The following PLCB2 variants were observed in gnomAD, a reference collection of about 807,000 sequenced individuals.
The protein encoded by PLCB2 is phospholipase C beta 2.
A neutral mutation model predicts 141.7 loss-of-function variants in PLCB2; 115 were observed. That is an observed-to-expected ratio of 0.81 (90% CI 0.70 to 0.95). The LOEUF (loss-of-function observed/expected upper bound fraction) is 0.95. Ranked by LOEUF, PLCB2 falls within the 40% of genes least tolerant of loss-of-function variation. PLCB2 has a pLI of 0.00. For missense variants in PLCB2, 1,403 were observed against 1,541.1 expected (o/e 0.91, Z 1.50); for synonymous variants, 603 against 595.6 (o/e 1.01, Z -0.18).
chr15:40,284,344 G>A, downstream of PLCB2: 1 of 334,936 alleles, frequency 3.0e-6, no homozygotes. Context: ...TCTCGGTTCT[G>A]GGTGCGAGAC....
chr15:40,291,677 A>T, intron 24 of PLCB2, 27 bp from the exon 25 acceptor site: 1 of 1,611,268 alleles, frequency 6.2e-7, no homozygotes, highest in Non-Finnish European at 8.5e-7. Context: ...CTGGGCTGTC[A>T]GGTGCTCTGG....
chr15:40,306,939 A>ACAGCAGAGAGAGGGCTGCAGGGTG (rs2040826163), intron 1 of PLCB2, among the ~76,000 whole-genome samples: 2 of 152,248 alleles, frequency 1.3e-5, no homozygotes, highest in African/African-American at 4.8e-5. Flanking sequence ...AGGAACAGAC[A>ACAGCAGAGAGAGGGCTGCAGGGTG]CAGCAGAGAG....
In PLCB2 at chr15:40,297,706, C is replaced by A; in HGVS notation, c.1239-101G>T. ...TGACCCAGATCAGGGGCCAGGAGGT[C>A]AGGGAGGCTGGGACTCGAGCAGGAG... On this transcript the variant is annotated intron_variant, in intron 12 of 31. Coordinates refer to ENST00000260402, the MANE Select transcript of PLCB2 (RefSeq NM_004573.3). The surrounding 1 kb of genome is among the most constrained non-coding windows in gnomAD (Gnocchi z 4.2). The A allele has an allele frequency of 1.9e-6, 2 of 1,072,386 alleles. No homozygotes were observed. The highest frequency in any genetic ancestry group is 1.9e-5 in the Admixed American group (1 of 51,546). 66.4% of individuals were successfully genotyped at this position (1,072,386 alleles called of 1,614,324 possible).
chr15:40,296,695 T>C (rs1380589904), intron 14 of PLCB2, 51 bp downstream of exon 14: 33 of 1,610,176 alleles, frequency 2.0e-5, no homozygotes, highest in Non-Finnish European at 2.3e-5. Context: ...CCAGCCCCTC[T>C]CCTGTTCCAG....
chr15:40,294,039 C>A (rs1362060621), intron 19 of PLCB2, among the ~76,000 whole-genome samples: 4 of 152,218 alleles, frequency 2.6e-5, no homozygotes, highest in Admixed American at 6.5e-5. Context: ...TCCCCTCCCC[C>A]ACCCCAGCCT....
intron 28 of PLCB2, 34 bp from the exon 29 acceptor site, chr15:40,290,706 T>C: frequency 6.2e-7 from 1 of 1,612,478 alleles, no homozygotes; most frequent in African/African-American, 1.3e-5. Flanking sequence ...AGCTGTTTTG[T>C]GCGGCTGAGC....
At chr15:40,298,033 C>T (rs933267051) in intron 11 of PLCB2, 74 bp from the exon 12 acceptor site, 3 of 1,269,120 alleles carry the variant, frequency 2.4e-6, no homozygotes, top group East Asian at 2.3e-5. Context: ...ACTTTTCCCC[C>T]CTGCCTAGTT....
intron 1 of PLCB2, among the ~76,000 whole-genome samples, chr15:40,305,671 C>T (rs1341083087): frequency 6.6e-6 from 1 of 152,200 alleles, no homozygotes. Context: ...AACAGGTTCC[C>T]ATTCGAAGGG....
intron 18 of PLCB2, 53 bp downstream of exon 18, chr15:40,294,883 T>C (rs1389262891): frequency 1.9e-6 from 3 of 1,611,010 alleles, no homozygotes; most frequent in Admixed American, 3.3e-5. Flanking sequence ...GATGTAAAGG[T>C]GGGGGGCGCA....
In PLCB2 at chr15:40,291,189, G is replaced by A. The variant is rs1217716388; in HGVS notation, c.2871-6C>T. ...TCTCCTCGCGGGGCAGGCTCCTGGGGAGGCCACGTGGGGACAGGCCCTGAG... is the reference window on the plus strand; with the variant it reads ...TCTCCTCGCGGGGCAGGCTCCTGGGAAGGCCACGTGGGGACAGGCCCTGAG... On this transcript the variant is annotated splice_region_variant and splice_polypyrimidine_tract_variant and intron_variant, in intron 26 of 31. Transcript: ENST00000260402. 1 of 1,571,426 alleles carries A rather than the reference G, an allele frequency of 6.4e-7. No individual in the cohort carries two copies. The highest frequency in any genetic ancestry group is 8.6e-7 in the Non-Finnish European group (1 of 1,166,754).
chr15:40,303,152 C>A, intron 3 of PLCB2, 136 bp downstream of exon 3: 2 of 701,694 alleles, frequency 2.9e-6, no homozygotes, highest in Non-Finnish European at 5.0e-6. Context: ...CTTCCAGCCA[C>A]GGTCCTTGCT....
At position 40,289,950 on chromosome 15, in the gene PLCB2, AGAGAGAGAGAGAGAGAGAGTGT is replaced by A. The variant is rs11268592; in HGVS notation, c.3267+53_3267+74del. Reference sequence around the variant, plus strand: ...TGAAGAGAGAGAGAGAGAGAGAGAGAGAGAGAGAGAGAGAGAGAGTGTGTGTGTGTGTGTGTGTGTGTGTGTG... The same window carrying A: ...TGAAGAGAGAGAGAGAGAGAGAGAGAGTGTGTGTGTGTGTGTGTGTGTGTG... On this transcript the variant is annotated intron_variant, in intron 30 of 31. Transcript: ENST00000260402. 7.4e-3 allele frequency: 2,897 copies of A among 394,054 alleles called. 62 individuals are homozygous for A. Among genetic ancestry groups the A allele is most frequent in the African/African-American group, 0.068 (2,610 of 38,394 alleles). The allele number at this position is 394,054 out of a possible 1,614,324, so 24.4% of individuals were successfully genotyped here. A position where few individuals can be genotyped will look rare whatever the true frequency, so the allele number is the denominator to read the frequency against.
Position 40,291,302 on chromosome 15 carries a change from A to C in PLCB2, c.2833T>G (p.Cys945Gly), listed in dbSNP as rs750043598. ...GAGCCCTTGCCGGGACCGAGCTTGC[A>C]GGCCCCGACGCCCCCCACGCCCGGT... ...GPPGVGGVGA[C>G]KLGPGKGSRK... Residue 945 changes from cysteine (C) to glycine (G), a missense_variant, in exon 26 of 32, where the codon TGC becomes GGC. By Grantham distance (159) the Cys-to-Gly change is radical (BLOSUM62 -3). Coordinates refer to ENST00000260402, the MANE Select transcript of PLCB2 (RefSeq NM_004573.3). 25 of 1,553,356 alleles carry C rather than the reference A, an allele frequency of 1.6e-5. No individual in the cohort carries two copies. Among genetic ancestry groups the C allele is most frequent in the Admixed American group, 3.7e-5 (2 of 54,096 alleles).
At chr15:40,303,418 T>A (rs1483166317) in intron 2 of PLCB2, 62 bp from the exon 3 acceptor site, 25 of 1,214,520 alleles carry the variant, frequency 2.1e-5, no homozygotes, top group Non-Finnish European at 2.8e-5. Context: ...AAAGTCCAGG[T>A]CAAGAATGAG....
downstream of PLCB2, among the ~76,000 whole-genome samples, chr15:40,287,109 A>G (rs1488015738): frequency 1.3e-5 from 2 of 152,164 alleles, no homozygotes; most frequent in East Asian, 3.8e-4. Flanking sequence ...AGAAGGGTTG[A>G]ACATAGGGCA....
Position 40,291,027 on chromosome 15 carries a change from GTGCTGCT to G in PLCB2, c.3020_3026del (p.Glu1007AlafsTer9). On this transcript the variant is annotated frameshift_variant, in exon 27 of 32. Coordinates refer to ENST00000260402, the MANE Select transcript of PLCB2 (RefSeq NM_004573.3). LOFTEE classifies it high-confidence loss of function. The stretch of plus-strand genomic sequence containing the variant: ...TGCCCCTCCCGGCCACCTCGGCCAC[GTGCTGCT>G]CCTTGCGCTTCAGAACGCACTCGTA... The G allele has an allele frequency of 6.3e-7, 1 of 1,593,032 alleles. No individual in the cohort carries two copies. The highest frequency in any genetic ancestry group is 8.5e-7 in the Non-Finnish European group (1 of 1,177,486).
chr15:40,291,300 G>T lies in PLCB2; in HGVS notation c.2835C>A (p.Cys945Ter). The T allele has an allele frequency of 6.4e-7, 1 of 1,555,624 alleles. No individual in the cohort carries two copies. Among genetic ancestry groups the T allele is most frequent in the Non-Finnish European group, 8.6e-7 (1 of 1,159,382 alleles). The change falls in exon 26 of 32, where the codon TGC becomes TGA. Residue 945 changes from cysteine to a stop codon, truncating the protein, a stop_gained. Coordinates refer to ENST00000260402, the MANE Select transcript of PLCB2 (RefSeq NM_004573.3). LOFTEE classifies it high-confidence loss of function. ...GPPGVGGVGA[C>*]KLGPGKGSRK... ...GAGAGCCCTTGCCGGGACCGAGCTT[G>T]CAGGCCCCGACGCCCCCCACGCCCG...
At chr15:40,290,214 G>C in intron 29 of PLCB2, 132 bp from the exon 30 acceptor site, 1 of 699,560 alleles carries the variant, frequency 1.4e-6, no homozygotes. Context: ...GCAGGTGTGG[G>C]GACCCAAGGA....
chr15:40,287,218 GC>G (rs2039625686), downstream of PLCB2, among the ~76,000 whole-genome samples: 2 of 152,164 alleles, frequency 1.3e-5, no homozygotes, highest in African/African-American at 4.8e-5. Context: ...TAAATGATCA[GC>G]CCCCTCACCT....
Sources: allele counts gnomAD v4.1 joint callset (sites outside exome capture counted in the v4.1 genomes callset), GRCh38; gene constraint gnomAD v4.1.1; non-coding constraint Gnocchi (gnomAD v3.1); transcripts MANE v1.5; gene names NCBI Gene and HGNC (gene_info 2026-07-23, HGNC 2026-07-21).